CYP3A43: variants seen among roughly 807,000 people sequenced by gnomAD.
The protein encoded by CYP3A43 is cytochrome P450 family 3 subfamily A member 43, also known as cytochrome P450 3A43.
CYP3A43 carries 45 observed loss-of-function variants against 58.0 expected under a neutral mutation model. The observed-to-expected ratio is 0.78, with a 90% CI of 0.61 to 0.99. The LOEUF (loss-of-function observed/expected upper bound fraction) is 0.99. Among genes scored for constraint, CYP3A43 ranks in the 50% least tolerant of loss-of-function variants. The pLI is 0.00. For synonymous variants in CYP3A43, 191 were observed against 201.4 expected, an observed-to-expected ratio of 0.95 and a Z score of 0.44; for missense variants, 593 against 591.9, an observed-to-expected ratio of 1.00 and a Z score of -0.02.
chr7:99,836,643 A>T (rs78519346), intron 2 of CYP3A43, 97 bp downstream of exon 2: 1 of 866,878 alleles, frequency 1.2e-6, no homozygotes, highest in Non-Finnish European at 1.8e-6. Context: ...GGAATTTCCA[A>T]TGTTTTACAC....
At chr7:99,865,842 T>C (rs1818424755) in intron 12 of CYP3A43, 64 bp from the exon 13 acceptor site, 7 of 1,205,898 alleles carry the variant, frequency 5.8e-6, no homozygotes, top group South Asian at 1.5e-5. Flanking sequence ...ATCTTTTTTA[T>C]TTTGCTTCTA....
chr7:99,848,044 T>A, intron 5 of CYP3A43, 122 bp from the exon 6 acceptor site: 1 of 967,396 alleles, frequency 1.0e-6, no homozygotes, highest in Non-Finnish European at 1.6e-6. Context: ...TCTTTTCTAT[T>A]TATGTCCTAG....
chr7:99,860,476 C>T (rs903026017), intron 10 of CYP3A43, among the ~76,000 whole-genome samples: 24 of 152,120 alleles, frequency 1.6e-4, no homozygotes, highest in African/African-American at 4.1e-4. Flanking sequence ...GGGTGCCTGA[C>T]GCCTGGGCCA....
At chr7:99,855,554 G>T (rs377111220) in intron 7 of CYP3A43, 37 bp from the exon 8 acceptor site, 3 of 1,573,186 alleles carry the variant, frequency 1.9e-6, no homozygotes, top group East Asian at 2.3e-5. Flanking sequence ...TTTTCACTAT[G>T]ATTTATTTTT....
intron 6 of CYP3A43, 140 bp from the exon 7 acceptor site, chr7:99,849,406 G>A (rs1489253429): frequency 1.0e-5 from 10 of 983,760 alleles, no homozygotes; most frequent in Non-Finnish European, 1.4e-5. Flanking sequence ...TGAGTATGAT[G>A]GGAGATGATG....
chr7:99,855,801 C>A, intron 8 of CYP3A43, 83 bp downstream of exon 8: 5 of 1,442,370 alleles, frequency 3.5e-6, no homozygotes, highest in Non-Finnish European at 4.7e-6. Context: ...GTGCACTTAT[C>A]TGTGTTTTTT....
At chr7:99,844,951 C>G (rs757916360) in intron 4 of CYP3A43, among the ~76,000 whole-genome samples, 43 of 151,954 alleles carry the variant, frequency 2.8e-4, no homozygotes, top group Non-Finnish European at 4.4e-4. Context: ...CACCTGTAGT[C>G]CCAGCTACTC....
chr7:99,866,027 T>C lies in CYP3A43; in HGVS notation c.*26T>C, dbSNP rs772259294. 3.6e-5 allele frequency: 53 copies of C among 1,469,218 alleles called. No homozygotes were observed. Among genetic ancestry groups the C allele is most frequent in the Non-Finnish European group, 4.7e-5 (50 of 1,068,026 alleles). The allele number at this position is 1,469,218 out of a possible 1,614,324, so 91.0% of individuals were successfully genotyped here. On this transcript the variant is annotated 3_prime_UTR_variant, in exon 13 of 13. Transcript: ENST00000354829. ...CTTTCCCTAAGGACTTCCACTTTGTTCAAGAAAGCTGTATCCCAGAACACT... is the reference window on the plus strand; with the variant it reads ...CTTTCCCTAAGGACTTCCACTTTGTCCAAGAAAGCTGTATCCCAGAACACT...
At chr7:99,849,955 A>ATTTTTTTTTTTTTT in intron 7 of CYP3A43, 2 of 362,796 alleles carry the variant, frequency 5.5e-6, no homozygotes, top group South Asian at 1.9e-5. Flanking sequence ...CTTCCTCACC[A>ATTTTTTTTTTTTTT]TTTTTTTTTT....
Position 99,828,039 on chromosome 7 carries a change from A to T in CYP3A43, c.-77A>T. The T allele has an allele frequency of 8.2e-7, 1 of 1,215,356 alleles. No homozygotes were observed. Among genetic ancestry groups the T allele is most frequent in the Non-Finnish European group, 1.2e-6 (1 of 841,464 alleles). The allele number at this position is 1,215,356 out of a possible 1,614,324, so 75.3% of individuals were successfully genotyped here. Reference sequence around the variant, plus strand: ...CCTCTGGGCAGAGAAACAAAGCTCTATATGCACAGCCCAGCAAAGAGCAGC... The same window carrying T: ...CCTCTGGGCAGAGAAACAAAGCTCTTTATGCACAGCCCAGCAAAGAGCAGC... On this transcript the variant is annotated 5_prime_UTR_variant, in exon 1 of 13. Coordinates refer to ENST00000354829, the MANE Select transcript of CYP3A43 (RefSeq NM_057095.3).
intron 3 of CYP3A43, among the ~76,000 whole-genome samples, chr7:99,839,737 C>A (rs1032341151): frequency 6.6e-6 from 1 of 152,078 alleles, no homozygotes; most frequent in Non-Finnish European, 1.5e-5. Context: ...TTCTGACCTG[C>A]GGTAAAGTGC....
chr7:99,858,797 A>G (rs1391510356), intron 9 of CYP3A43, among the ~76,000 whole-genome samples: 1 of 151,664 alleles, frequency 6.6e-6, no homozygotes, highest in African/African-American at 2.4e-5. Flanking sequence ...GGTTCAAGCA[A>G]TTCTCCTGCC....
At chr7:99,852,567 T>C (rs994170258) in intron 7 of CYP3A43, among the ~76,000 whole-genome samples, 1 of 152,214 alleles carries the variant, frequency 6.6e-6, no homozygotes. Context: ...TTATGGTAAA[T>C]ACAATTTTTT....
At chr7:99,859,528 A>C (rs1818136737) in intron 9 of CYP3A43, among the ~76,000 whole-genome samples, 1 of 152,228 alleles carries the variant, frequency 6.6e-6, no homozygotes, top group South Asian at 2.1e-4. Flanking sequence ...AACACTGAGT[A>C]TGTTAGACAG....
intron 3 of CYP3A43, 25 bp downstream of exon 3, chr7:99,839,197 G>T: frequency 1.2e-6 from 2 of 1,613,528 alleles, no homozygotes; most frequent in Non-Finnish European, 1.7e-6. Context: ...AACTTGCATT[G>T]GATAGAGCTG....
At chr7:99,830,666 T>C (rs1233792095) in intron 1 of CYP3A43, among the ~76,000 whole-genome samples, 1 of 152,238 alleles carries the variant, frequency 6.6e-6, no homozygotes, top group Non-Finnish European at 1.5e-5. Context: ...CACTCTCTCA[T>C]GTCTTGTGTC....
At chr7:99,845,067 CAA>C (rs575207725) in intron 4 of CYP3A43, among the ~76,000 whole-genome samples, 4,748 of 105,408 alleles carry the variant, frequency 0.045, 263 homozygotes, top group African/African-American at 0.13. Flanking sequence ...GACTCAGTCT[CAA>C]AAAAAAAAAA....
chr7:99,848,097 G>T, intron 5 of CYP3A43, 69 bp from the exon 6 acceptor site: 1 of 1,475,550 alleles, frequency 6.8e-7, no homozygotes. Context: ...ACTGTTCCAT[G>T]CTGGGCAAAG....
Position 99,844,199 on chromosome 7 carries a change from C to T in CYP3A43, c.275C>T (p.Thr92Ile). 1 of 1,614,004 alleles carries T rather than the reference C, an allele frequency of 6.2e-7. No individual in the cohort carries two copies. Among genetic ancestry groups the T allele is most frequent in the Non-Finnish European group, 8.5e-7 (1 of 1,179,982 alleles). Residue 92 changes from threonine to isoleucine, a missense_variant, in exon 4 of 13, where the codon ACA (threonine) becomes ATA (isoleucine). Physicochemically the swap from Thr to Ile is moderately conservative, Grantham distance 89 (BLOSUM62 -1). Transcript: ENST00000354829. ...ATCATGGATCCCGACATGATCAAAA[C>T]AGTGTTAGTGAAAGAATGTTACTCT... ...LVIMDPDMIKTVLVKECYSVF... is the reference protein window; with the variant it reads ...LVIMDPDMIKIVLVKECYSVF...
Sources: allele counts gnomAD v4.1 joint callset (sites outside exome capture counted in the v4.1 genomes callset), GRCh38; gene constraint gnomAD v4.1.1; transcripts MANE v1.5; gene names NCBI Gene and HGNC (gene_info 2026-07-23, HGNC 2026-07-21).